ADAMTS7: variants seen among roughly 807,000 people sequenced by gnomAD.
The protein encoded by ADAMTS7 is A disintegrin and metalloproteinase with thrombospondin motifs 7.
ADAMTS7 carries 89 observed loss-of-function variants against 172.6 expected under a neutral mutation model. The observed-to-expected ratio is 0.52, with a 90% confidence interval of 0.43 to 0.61. The LOEUF (loss-of-function observed/expected upper bound fraction) is 0.61, where lower values mean the gene tolerates loss of function less well. Among genes scored for constraint, ADAMTS7 ranks in the 20% least tolerant of loss-of-function variants. The probability of loss-of-function intolerance (pLI) is 0.00; values close to 1 mark genes in which losing one functional copy is unlikely to be tolerated. For missense variants in ADAMTS7, 1,973 were observed against 2,355.6 expected, an observed-to-expected ratio of 0.84 and a Z score of 3.36; for synonymous variants, 885 against 978.4, an observed-to-expected ratio of 0.90 and a Z score of 1.78.
intron 1 of ADAMTS7, 65 bp from the exon 2 acceptor site, chr15:78,800,612 G>T (rs1217598020): frequency 2.7e-6 from 4 of 1,483,038 alleles, no homozygotes; most frequent in South Asian, 1.2e-5. Flanking sequence ...GGTGGCCGGG[G>T]ACCAGAAGGG....
Position 78,768,156 on chromosome 15 carries a change from G to A in ADAMTS7, c.2622C>T (p.Cys874=). The A allele has an allele frequency of 6.2e-7, 1 of 1,604,310 alleles. No individual in the cohort carries two copies. The highest frequency in any genetic ancestry group is 8.5e-7 in the Non-Finnish European group (1 of 1,177,194). The change falls in exon 17 of 24, where the codon TGC becomes TGT. Residue 874 remains cysteine (C), a synonymous_variant. Coordinates refer to ENST00000388820, the MANE Select transcript of ADAMTS7 (RefSeq NM_014272.5). ...ACCTGGCAGGGCAGGGCTGCTCGCTGCACTTCCTCTGTTGGTCATCAGGCC... is the reference window on the plus strand; with the variant it reads ...ACCTGGCAGGGCAGGGCTGCTCGCTACACTTCCTCTGTTGGTCATCAGGCC... ...LGRPDDQQRK[C]SEQPCPARWW...
intron 2 of ADAMTS7, 26 bp from the exon 3 acceptor site, chr15:78,798,139 C>A: frequency 6.5e-7 from 1 of 1,531,096 alleles, no homozygotes; most frequent in Non-Finnish European, 8.7e-7. Context: ...CAGGGTCACA[C>A]AGGGAGGGCT....
At position 78,766,231 on chromosome 15, in the gene ADAMTS7, C is replaced by A. The variant is rs564165741; in HGVS notation, c.3680G>T (p.Arg1227Leu). The change falls in exon 19 of 24, where the codon CGA becomes CTA. Residue 1227 changes from arginine (R) to leucine (L), a missense_variant. Physicochemically the swap from Arg to Leu is moderately radical, Grantham distance 102 (BLOSUM62 -2). Coordinates refer to ENST00000388820, the MANE Select transcript of ADAMTS7 (RefSeq NM_014272.5). ...TCTCGGGGGCAGGTGGGGTGCTCCT[C>A]GGCCCTTGGGTTCCTCATCATCCTT... ...VFKDDEEPKG[R>L]GAPHLPPRPS... 6.2e-7 allele frequency: 1 copy of A among 1,611,686 alleles called. No homozygotes were observed. The highest frequency in any genetic ancestry group is 1.1e-5 in the South Asian group (1 of 91,022).
At chr15:78,774,133 A>G in intron 13 of ADAMTS7, 34 bp downstream of exon 13, 1 of 1,587,810 alleles carries the variant, frequency 6.3e-7, no homozygotes, top group South Asian at 1.1e-5. Context: ...GGGGGCAGGC[A>G]GTGCTGGGAG....
intron 23 of ADAMTS7, among the ~76,000 whole-genome samples, chr15:78,759,793 T>C (rs12438734): frequency 0.17 from 25,698 of 151,944 alleles, 3,219 homozygotes; most frequent in African/African-American, 0.36. Flanking sequence ...CGAGAACGGG[T>C]GCTGCTGGGC....
chr15:78,764,341 C>A (rs942483347), intron 20 of ADAMTS7, among the ~76,000 whole-genome samples: 3 of 152,230 alleles, frequency 2.0e-5, no homozygotes, highest in African/African-American at 7.2e-5. Flanking sequence ...AAAGACAAGT[C>A]CAGATGGGGT....
rs747112932 is a variant in ADAMTS7 at position 78,796,701 on chromosome 15, C to T, written c.708G>A (p.Arg236=). The change falls in exon 4 of 24, where the codon CGG becomes CGA. Residue 236 remains arginine (R), a synonymous_variant. Coordinates refer to ENST00000388820, the MANE Select transcript of ADAMTS7 (RefSeq NM_014272.5). The part of the protein sequence containing the change: ...RRPRLRRLHQ[R]SVSKEKWVET... ...CCACCCACTTCTCTTTGCTGACCGA[C>T]CGCTGGTGTAGACGCCTCAGCCGTG... 2.5e-6 allele frequency: 4 copies of T among 1,613,780 alleles called. No homozygotes were observed. The highest frequency in any genetic ancestry group is 2.2e-5 in the South Asian group (2 of 91,082).
At chr15:78,791,019 C>A in intron 5 of ADAMTS7, 121 bp downstream of exon 5, 1 of 1,295,306 alleles carries the variant, frequency 7.7e-7, no homozygotes, top group Non-Finnish European at 1.1e-6. Context: ...GCAGGGGACA[C>A]GGTCCAGGCC....
At chr15:78,793,578 CT>C (rs1461863307) in intron 4 of ADAMTS7, among the ~76,000 whole-genome samples, 2 of 152,162 alleles carry the variant, frequency 1.3e-5, no homozygotes, top group Admixed American at 6.5e-5. Context: ...ACAGCAGCAT[CT>C]TTTTTTCACA....
At chr15:78,761,518 C>T (rs563354511) in intron 23 of ADAMTS7, among the ~76,000 whole-genome samples, 1 of 152,224 alleles carries the variant, frequency 6.6e-6, no homozygotes, top group South Asian at 2.1e-4. Flanking sequence ...GATCCCCACG[C>T]AGTGCTGCGT....
intron 23 of ADAMTS7, among the ~76,000 whole-genome samples, chr15:78,760,830 C>A (rs551955776): frequency 6.6e-6 from 1 of 152,242 alleles, no homozygotes; most frequent in Admixed American, 6.5e-5. Context: ...ACCTAACCAG[C>A]CCCCATAGCC....
Position 78,767,542 on chromosome 15 carries a change from C to A in ADAMTS7, c.2696G>T (p.Gly899Val). 2 of 1,578,692 alleles carry A rather than the reference C, an allele frequency of 1.3e-6. No homozygotes were observed. The highest frequency in any genetic ancestry group is 1.7e-6 in the Non-Finnish European group (2 of 1,163,572). Residue 899 changes from glycine (G) to valine (V), a missense_variant, in exon 18 of 24, where the codon GGC (glycine) becomes GTC (valine). Gly to Val is a moderately radical substitution (Grantham distance 109). This residue lies in a region of ADAMTS7 where 771 missense variants were observed against 952.6 expected (regional missense o/e 0.81). Coordinates refer to ENST00000388820, the MANE Select transcript of ADAMTS7 (RefSeq NM_014272.5). ...QLCSSSCGPG[G>V]LSRRAVLCIR... ...GCAGAGCACGGCCCGGCGGGAGAGG[C>A]CCCCAGGCCCGCAGGAGCTGGAGCA...
At chr15:78,801,310 G>C (rs1326982086) in intron 1 of ADAMTS7, among the ~76,000 whole-genome samples, 1 of 152,124 alleles carries the variant, frequency 6.6e-6, no homozygotes, top group Non-Finnish European at 1.5e-5. Flanking sequence ...CAGCTACACA[G>C]CCTTAGTTCC....
In ADAMTS7 at chr15:78,768,227, G is replaced by A. The variant is rs758723833; in HGVS notation, c.2551C>T (p.Arg851Trp). The A allele has an allele frequency of 1.1e-5, 17 of 1,610,600 alleles. 1 individual carries two copies. The highest frequency in any genetic ancestry group is 3.3e-5 in the Admixed American group (2 of 59,930). ...TCCTCGTCCACGGGCCCTGCCTGCCGCTCCAAGCAGTACACATTCTGCCTC... is the reference window on the plus strand; with the variant it reads ...TCCTCGTCCACGGGCCCTGCCTGCCACTCCAAGCAGTACACATTCTGCCTC... ...VQRQNVYCLE[R>W]QAGPVDEEHC... The change falls in exon 17 of 24, where the codon CGG becomes TGG. Residue 851 changes from arginine (R) to tryptophan (W), a missense_variant. Arg to Trp is a moderately radical substitution (Grantham distance 101). Around this residue, in one of 8 missense-constraint regions of ADAMTS7, gnomAD observed 771 missense variants for 952.6 expected, o/e 0.81. Coordinates refer to ENST00000388820, the MANE Select transcript of ADAMTS7 (RefSeq NM_014272.5).
At chr15:78,779,273 G>A (rs61624249) in intron 8 of ADAMTS7, among the ~76,000 whole-genome samples, 3,771 of 152,266 alleles carry the variant, frequency 0.025, 147 homozygotes, top group African/African-American at 0.086. Context: ...GCTGGTCCAG[G>A]GTGCTGGGGG....
intron 1 of ADAMTS7, chr15:78,810,527 CT>C (rs2141533897): frequency 6.6e-6 from 1 of 152,474 alleles, no homozygotes; most frequent in East Asian, 1.9e-4. Flanking sequence ...CCCCGCTCCA[CT>C]CCCGGCGTCT....
intron 1 of ADAMTS7, chr15:78,810,545 T>C (rs1596206210): frequency 6.6e-6 from 1 of 152,134 alleles, no homozygotes; most frequent in African/African-American, 2.4e-5. Context: ...GTCTTCACAC[T>C]TGGGGAAGGG....
Position 78,765,992 on chromosome 15 carries a change from C to G in ADAMTS7, c.3919G>C (p.Asp1307His), listed in dbSNP as rs769214402. ...IAPLPEMKVR[D>H]SSLEPGTPSF... Reference sequence around the variant, plus strand: ...GGAGTCCCCGGCTCCAGGGAACTGTCCCTGACCTTCATCTCTGGCAGAGGG... The same window carrying G: ...GGAGTCCCCGGCTCCAGGGAACTGTGCCTGACCTTCATCTCTGGCAGAGGG... The change falls in exon 19 of 24, where the codon GAC becomes CAC. Residue 1307 changes from aspartate (D) to histidine (H), a missense_variant. By Grantham distance (81) the Asp-to-His change is moderately conservative (BLOSUM62 -1). Around this residue, in one of 8 missense-constraint regions of ADAMTS7, gnomAD observed 771 missense variants for 952.6 expected, o/e 0.81. Transcript: ENST00000388820. 1.3e-6 allele frequency: 2 copies of G among 1,599,956 alleles called. No homozygotes were observed. Among genetic ancestry groups the G allele is most frequent in the Admixed American group, 3.5e-5 (2 of 56,634 alleles).
intron 8 of ADAMTS7, among the ~76,000 whole-genome samples, chr15:78,784,093 G>A (rs1375475597): frequency 6.6e-6 from 1 of 152,068 alleles, no homozygotes; most frequent in East Asian, 1.9e-4. Context: ...AGGTGGCTGG[G>A]CACGCTGGCT....
Sources: allele counts gnomAD v4.1 joint callset (sites outside exome capture counted in the v4.1 genomes callset), GRCh38; gene constraint gnomAD v4.1.1; regional missense constraint gnomAD v4.1.1; transcripts MANE v1.5; gene names NCBI Gene and HGNC (gene_info 2026-07-23, HGNC 2026-07-21).